Variants in PLEKHM3 observed in about 807,000 individuals in gnomAD.
The protein encoded by PLEKHM3 is pleckstrin homology domain-containing family M member 3.
In PLEKHM3, 45 loss-of-function variants were observed where a neutral mutation model predicts 81.8. The ratio of observed to expected loss-of-function variants is 0.55; its 90% confidence interval spans 0.43 to 0.71. The LOEUF is 0.71. Ranked by LOEUF, PLEKHM3 falls within the 30% of genes least tolerant of loss-of-function variation. PLEKHM3 has a pLI of 0.00. For synonymous variants in PLEKHM3, 352 were observed against 356.4 expected (o/e 0.99, Z 0.14); for missense variants, 788 against 924.3 (o/e 0.85, Z 1.91).
chr2:207,918,808 A>G (rs1689084883), intron 5 of PLEKHM3, among the ~76,000 whole-genome samples: 1 of 152,230 alleles, frequency 6.6e-6, no homozygotes, highest in Admixed American at 6.5e-5. Context: ...CAGTGAATAT[A>G]ACAGATAAAA....
intron 2 of PLEKHM3, among the ~76,000 whole-genome samples, chr2:207,992,127 T>C (rs1455299132): frequency 6.6e-6 from 1 of 152,202 alleles, no homozygotes; most frequent in African/African-American, 2.4e-5. Flanking sequence ...TAGATCACAC[T>C]GTGTTTTATT....
chr2:207,848,992 T>C (rs1012389819), intron 7 of PLEKHM3, among the ~76,000 whole-genome samples: 2 of 152,210 alleles, frequency 1.3e-5, no homozygotes, highest in Non-Finnish European at 2.9e-5. Context: ...CACTTTTCCA[T>C]GAGGCTGATG....
intron 7 of PLEKHM3, among the ~76,000 whole-genome samples, chr2:207,835,526 T>G (rs1395934475): frequency 6.6e-6 from 1 of 152,304 alleles, no homozygotes; most frequent in Admixed American, 6.5e-5. Context: ...CTCTCCAAAT[T>G]GTCTTGCTCC....
At chr2:207,855,836 C>G (rs1164763320) in intron 7 of PLEKHM3, among the ~76,000 whole-genome samples, 1 of 151,994 alleles carries the variant, frequency 6.6e-6, no homozygotes, top group African/African-American at 2.4e-5. Flanking sequence ...CCAAGAGGAG[C>G]CTAGGGAGGT....
At chr2:208,003,141 C>T (rs540201559) in intron 1 of PLEKHM3, among the ~76,000 whole-genome samples, 78 of 152,268 alleles carry the variant, frequency 5.1e-4, no homozygotes, top group African/African-American at 1.8e-3. Context: ...GTGAATAAGC[C>T]TCATGAGATC....
In PLEKHM3 at chr2:207,929,777, C is replaced by T. The variant is rs752191; in HGVS notation, c.1886+1149G>A. 3.3e-3 allele frequency: 1,757 copies of T among 540,320 alleles called. 28 individuals are homozygous for T. Among genetic ancestry groups the T allele is most frequent in the African/African-American group, 0.03 (1,550 of 52,106 alleles). The allele number at this position is 540,320 out of a possible 1,614,324, so 33.5% of individuals were successfully genotyped here. A position where few individuals can be genotyped will look rare whatever the true frequency, so the allele number is the denominator to read the frequency against. ...TTGTCTAGATATTATATATCCTTTA[C>T]TATCTACATTTAGTTCTTTTTTAGA... On this transcript the variant is annotated intron_variant, in intron 5 of 7. Transcript: ENST00000427836.
intron 7 of PLEKHM3, among the ~76,000 whole-genome samples, chr2:207,857,001 T>G (rs964872932): frequency 2.6e-5 from 4 of 152,188 alleles, no homozygotes; most frequent in African/African-American, 9.7e-5. Flanking sequence ...CATGCGACCT[T>G]GAGAAGAATG....
intron 3 of PLEKHM3, among the ~76,000 whole-genome samples, chr2:207,971,165 C>G (rs1340904247): frequency 1.3e-5 from 2 of 152,198 alleles, no homozygotes; most frequent in Non-Finnish European, 2.9e-5. Context: ...AGAAACAAGT[C>G]CTTGGGCCCT....
chr2:207,872,150 G>A (rs1428528453), intron 6 of PLEKHM3, among the ~76,000 whole-genome samples: 1 of 152,166 alleles, frequency 6.6e-6, no homozygotes, highest in Non-Finnish European at 1.5e-5. Context: ...CAAGGAAGGG[G>A]CCTTTCTGAG....
At chr2:207,898,575 GA>G (rs976064487) in intron 6 of PLEKHM3, among the ~76,000 whole-genome samples, 1 of 152,084 alleles carries the variant, frequency 6.6e-6, no homozygotes, top group Non-Finnish European at 1.5e-5. Flanking sequence ...GCGACATGGC[GA>G]AAACACATCT....
At chr2:207,835,411 C>T (rs558528795) in intron 7 of PLEKHM3, among the ~76,000 whole-genome samples, 1 of 152,264 alleles carries the variant, frequency 6.6e-6, no homozygotes, top group East Asian at 1.9e-4. Context: ...TCTCACTCTC[C>T]ACAGAAGTAA....
rs565088787 is a variant in PLEKHM3 at position 207,929,751 on chromosome 2, C to T, written c.1886+1175G>A. On this transcript the variant is annotated intron_variant, in intron 5 of 7. Coordinates refer to ENST00000427836, the MANE Select transcript of PLEKHM3 (RefSeq NM_001080475.3). ...TCTTTTCATTATTATTTTATGAGAG[C>T]TTGTCTAGATATTATATATCCTTTA... 1.7e-5 allele frequency: 8 copies of T among 458,348 alleles called. No homozygotes were observed. In the East Asian group the frequency reaches 2.6e-4, roughly 15 times the overall value. 28.4% of individuals were successfully genotyped at this position (458,348 alleles called of 1,614,324 possible). A position where few individuals can be genotyped will look rare whatever the true frequency, so the allele number is the denominator to read the frequency against.
At chr2:207,981,692 T>C (rs1316546496) in intron 2 of PLEKHM3, among the ~76,000 whole-genome samples, 1 of 152,234 alleles carries the variant, frequency 6.6e-6, no homozygotes, top group Non-Finnish European at 1.5e-5. Context: ...TCAGAAGCTA[T>C]GTATTTAAAT....
At chr2:207,911,437 T>TC (rs1242910925) in intron 5 of PLEKHM3, among the ~76,000 whole-genome samples, 2 of 152,216 alleles carry the variant, frequency 1.3e-5, no homozygotes, top group Non-Finnish European at 2.9e-5. Flanking sequence ...AACCATGGCA[T>TC]ATTGATCAAA....
intron 5 of PLEKHM3, among the ~76,000 whole-genome samples, chr2:207,913,314 C>T (rs1052744099): frequency 6.6e-6 from 1 of 151,920 alleles, no homozygotes; most frequent in Non-Finnish European, 1.5e-5. Flanking sequence ...GGGGCACATG[C>T]TGGGAAATGA....
intron 3 of PLEKHM3, among the ~76,000 whole-genome samples, chr2:207,962,218 G>A (rs1281307710): frequency 1.3e-5 from 2 of 152,140 alleles, no homozygotes; most frequent in Non-Finnish European, 2.9e-5. Context: ...CTCCAGGAAG[G>A]GGAAGGAGGC....
intron 6 of PLEKHM3, among the ~76,000 whole-genome samples, chr2:207,872,563 C>T (rs769790133): frequency 7.9e-5 from 12 of 152,282 alleles, no homozygotes; most frequent in South Asian, 4.1e-4. Flanking sequence ...GGCGGCCGGG[C>T]GCAGTGGCTC....
In PLEKHM3 at chr2:207,947,731, C is replaced by T. The variant is rs147609534; in HGVS notation, c.1547-1219G>A. 2.1e-3 allele frequency among the ~76,000 whole-genome samples: 315 copies of T among 152,294 alleles called. 3 individuals carry two copies. The highest frequency in any genetic ancestry group is 7.0e-3 in the African/African-American group (291 of 41,546). On this transcript the variant is annotated intron_variant, in intron 3 of 7. Transcript: ENST00000427836. ...ACTACTACAATTACTACTACAACTA[C>T]GACAACTACTACTAGTACTAATAAT...
At chr2:207,986,000 A>C (rs866845086) in intron 2 of PLEKHM3, among the ~76,000 whole-genome samples, 89 of 152,144 alleles carry the variant, frequency 5.8e-4, no homozygotes, top group Middle Eastern at 3.4e-3. Flanking sequence ...AAAAAAAAAA[A>C]AAAAATACCA....
Sources: gnomAD v4.1 joint callset for allele counts (sites outside exome capture counted in the v4.1 genomes callset) on GRCh38, gnomAD v4.1.1 for gene constraint, MANE v1.5 for transcripts, NCBI Gene and HGNC (gene_info 2026-07-23, HGNC 2026-07-21) for gene names.